The following TOPBP1 variants were observed in gnomAD, a reference collection of about 807,000 sequenced individuals.
TOPBP1 encodes the protein DNA topoisomerase 2-binding protein 1.
In TOPBP1, 28 loss-of-function variants were observed where a neutral mutation model predicts 167.7. The ratio of observed to expected loss-of-function variants is 0.17; its 90% CI spans 0.12 to 0.23. The LOEUF is 0.23. Ranked by LOEUF, TOPBP1 falls within the 10% of genes least tolerant of loss-of-function variation. The pLI, the probability that TOPBP1 is intolerant of heterozygous loss-of-function variation, is 1.00. For synonymous variants in TOPBP1, 598 were observed against 611.4 expected (o/e 0.98, Z 0.32); for missense variants, 1,554 against 1,809.6 (o/e 0.86, Z 2.56).
intron 14 of TOPBP1, among the ~76,000 whole-genome samples, chr3:133,630,339 C>A (rs1935427659): frequency 6.6e-6 from 1 of 150,712 alleles, no homozygotes; most frequent in Non-Finnish European, 1.5e-5. Context: ...TGCTTTGTCA[C>A]CCAAGCTGGA....
chr3:133,639,996 G>A lies in TOPBP1; in HGVS notation c.2196C>T (p.Asp732=), dbSNP rs763603864. 1.6e-5 allele frequency: 26 copies of A among 1,613,640 alleles called. No individual in the cohort carries two copies. The highest frequency in any genetic ancestry group is 1.2e-4 in the Admixed American group (7 of 59,964). ...AATTTTCAATCAGAAAATGGCTTTC[G>A]TCTGCTCTCTTTCCCGTTCTAGCAG... is the stretch of plus-strand genomic sequence containing the variant. ...LETARTGKRA[D]ESHFLIENST... Residue 732 remains aspartate (D), a synonymous_variant, in exon 13 of 28, where the codon GAC becomes GAT. Coordinates refer to ENST00000260810, the MANE Select transcript of TOPBP1 (RefSeq NM_007027.4).
Position 133,656,855 on chromosome 3 carries a change from T to C in TOPBP1, c.366A>G (p.Glu122=), listed in dbSNP as rs1346351744. The C allele has an allele frequency of 6.4e-7, 1 of 1,571,314 alleles. No individual in the cohort carries two copies. The highest frequency in any genetic ancestry group is 8.6e-7 in the Non-Finnish European group (1 of 1,159,508). Residue 122 remains glutamate, a splice_region_variant and synonymous_variant, in exon 5 of 28, where the codon GAA becomes GAG. Transcript: ENST00000260810. ...TCATTTGTACATATTTATGAACTTC[T>C]TCCTGCAGCCCCAAAAGAGAACACA... is the stretch of plus-strand genomic sequence containing the variant. The part of the protein sequence containing the change: ...SCTSLEKEKR[E]EVHKYVQMMG...
rs1490198945 is a variant in TOPBP1 at position 133,644,010 on chromosome 3, G to A, written c.1848+10C>T. 3.2e-6 allele frequency: 5 copies of A among 1,581,858 alleles called. No individual in the cohort carries two copies. The highest frequency in any genetic ancestry group is 4.3e-6 in the Non-Finnish European group (5 of 1,165,668). On this transcript the variant is annotated intron_variant, in intron 11 of 27. Transcript: ENST00000260810. ...TCGATACTTTATTTCAACCACTAGTGTTGTCTTACCAGCCATGTATTTGTA... is the reference window on the plus strand; with the variant it reads ...TCGATACTTTATTTCAACCACTAGTATTGTCTTACCAGCCATGTATTTGTA...
In TOPBP1 at chr3:133,652,626, C is replaced by T. The variant is rs200541884; in HGVS notation, c.926G>A (p.Arg309His). ...AATATTGCTGACATCTGAAAGAGTA[C>T]GACCTACATATTTTGAAAACGTATA... The part of the protein sequence containing the change: ...PTSQINTIDS[R>H]TLSDVSNISN... Residue 309 changes from arginine (R) to histidine (H), a missense_variant, in exon 8 of 28, where the codon CGT (arginine) becomes CAT (histidine). By Grantham distance (29) the Arg-to-His change is conservative (BLOSUM62 0). This residue lies in a region of TOPBP1 where 1,197 missense variants were observed against 1,351.5 expected (regional missense o/e 0.89). Transcript: ENST00000260810. 138 of 1,598,656 alleles carry T rather than the reference C, an allele frequency of 8.6e-5. No homozygotes were observed. Among genetic ancestry groups the T allele is most frequent in the Non-Finnish European group, 3.4e-5 (40 of 1,175,202 alleles).
chr3:133,614,851 T>C (rs1197635280), intron 23 of TOPBP1, among the ~76,000 whole-genome samples: 1 of 140,420 alleles, frequency 7.1e-6, no homozygotes, highest in African/African-American at 2.6e-5. Context: ...GGGGGAGGGA[T>C]AGCATTAGGA....
At chr3:133,628,495 C>T (rs1196424815) in intron 15 of TOPBP1, 24 bp from the exon 16 acceptor site, 7 of 1,605,994 alleles carry the variant, frequency 4.4e-6, no homozygotes, top group Non-Finnish European at 6.0e-6. Flanking sequence ...ATAAAAGAAA[C>T]AGATCAGTCA....
At chr3:133,620,686 G>A (rs141175231) in intron 19 of TOPBP1, among the ~76,000 whole-genome samples, 5,478 of 150,034 alleles carry the variant, frequency 0.037, 328 homozygotes, top group African/African-American at 0.13. Context: ...AATTCTCCCT[G>A]CCTCAGCCTC....
At chr3:133,614,028 T>G (rs1576681304) in intron 23 of TOPBP1, among the ~76,000 whole-genome samples, 2 of 151,836 alleles carry the variant, frequency 1.3e-5, no homozygotes, top group Non-Finnish European at 2.9e-5. Flanking sequence ...CCTGACCTCA[T>G]GATCTGCCCA....
chr3:133,646,715 C>T (rs1412826829), intron 10 of TOPBP1, among the ~76,000 whole-genome samples: 2 of 151,358 alleles, frequency 1.3e-5, no homozygotes, highest in Non-Finnish European at 2.9e-5. Context: ...AGATGATTTC[C>T]TGATGTGATA....
intron 24 of TOPBP1, among the ~76,000 whole-genome samples, chr3:133,611,844 C>T (rs1934693461): frequency 6.6e-6 from 1 of 152,090 alleles, no homozygotes; most frequent in Non-Finnish European, 1.5e-5. Context: ...TCAAGCAATC[C>T]TCCCACTTCA....
chr3:133,655,283 G>A lies in TOPBP1; in HGVS notation c.742+7C>T, dbSNP rs746196083. The A allele has an allele frequency of 1.3e-5, 18 of 1,397,110 alleles. No individual in the cohort carries two copies. Among genetic ancestry groups the A allele is most frequent in the Admixed American group, 7.6e-5 (3 of 39,574 alleles). The allele number at this position is 1,397,110 out of a possible 1,614,324, so 86.5% of individuals were successfully genotyped here. On this transcript the variant is annotated splice_region_variant and intron_variant, in intron 6 of 27. Coordinates refer to ENST00000260810, the MANE Select transcript of TOPBP1 (RefSeq NM_007027.4). ...TTCATTTGTCCCTTTGTGAAACACA[G>A]TTTTACCTTTTGGTTCTTGCACAAT...
intron 27 of TOPBP1, among the ~76,000 whole-genome samples, chr3:133,602,892 A>AT (rs11458236): frequency 0.2 from 24,162 of 121,448 alleles, 2,632 homozygotes; most frequent in Middle Eastern, 0.26. Flanking sequence ...ACCTTTTTTC[A>AT]TTTTTTTTTT....
intron 8 of TOPBP1, 117 bp downstream of exon 8, chr3:133,652,346 A>G (rs1936335536): frequency 1.9e-6 from 2 of 1,048,624 alleles, no homozygotes; most frequent in Admixed American, 2.8e-5. Flanking sequence ...ACTTAGCTAG[A>G]GTGGAGGGTT....
chr3:133,608,586 G>C lies in TOPBP1; in HGVS notation c.4374C>G (p.Ala1458=), dbSNP rs745969095. ...CTGTTCTCAAGCAGTACACGTTCTG[G>C]GCAGCAGCTTCTGCTATATTAACTC... ...DSGVNIAEAA[A]QNVYCLRTEY... is the part of the protein sequence containing the mutation. The change falls in exon 27 of 28, where the codon GCC becomes GCG. Residue 1458 remains alanine, a synonymous_variant. Coordinates refer to ENST00000260810, the MANE Select transcript of TOPBP1 (RefSeq NM_007027.4). 1 of 1,613,764 alleles carries C rather than the reference G, an allele frequency of 6.2e-7. No individual in the cohort carries two copies.
At chr3:133,628,229 T>G in intron 16 of TOPBP1, 133 bp downstream of exon 16, 1 of 794,944 alleles carries the variant, frequency 1.3e-6, no homozygotes, top group Non-Finnish European at 2.0e-6. Context: ...AAATTAAAAA[T>G]CAACTGGAGA....
chr3:133,656,981 T>C, intron 4 of TOPBP1, 124 bp from the exon 5 acceptor site: 3 of 846,524 alleles, frequency 3.5e-6, no homozygotes, highest in Non-Finnish European at 4.9e-6. Flanking sequence ...CATAACATTA[T>C]AAAGTTAAAT....
intron 3 of TOPBP1, 45 bp downstream of exon 3, chr3:133,658,971 A>T: frequency 6.5e-7 from 1 of 1,541,908 alleles, no homozygotes. Flanking sequence ...GCAAAGATAA[A>T]CCAAAAAATA....
intron 17 of TOPBP1, 105 bp from the exon 18 acceptor site, chr3:133,623,562 A>T: frequency 7.9e-7 from 1 of 1,264,038 alleles, no homozygotes; most frequent in Non-Finnish European, 1.0e-6. Flanking sequence ...TAATATGGCA[A>T]AAAGTTCACA....
intron 8 of TOPBP1, among the ~76,000 whole-genome samples, chr3:133,652,127 C>T (rs1398187482): frequency 2.7e-5 from 4 of 147,604 alleles, no homozygotes; most frequent in Non-Finnish European, 6.0e-5. Flanking sequence ...GAGACCCTAA[C>T]TCAAAAAAAT....
Sources: allele counts gnomAD v4.1 joint callset (sites outside exome capture counted in the v4.1 genomes callset), GRCh38; gene constraint gnomAD v4.1.1; regional missense constraint gnomAD v4.1.1; transcripts MANE v1.5; gene names NCBI Gene and HGNC (gene_info 2026-07-23, HGNC 2026-07-21).